Variants in DLGAP1 observed in about 807,000 individuals in gnomAD.
DLGAP1 encodes the protein disks large-associated protein 1.
A neutral mutation model predicts 90.8 loss-of-function variants in DLGAP1; 11 were observed. The observed-to-expected ratio is 0.12, with a 90% CI of 0.08 to 0.20. The LOEUF (loss-of-function observed/expected upper bound fraction) is 0.20. Among genes scored for constraint, DLGAP1 ranks in the 10% least tolerant of loss-of-function variants. The pLI is 1.00. For synonymous variants in DLGAP1, 558 were observed against 540.7 expected (o/e 1.03, Z -0.44); for missense variants, 1,050 against 1,333.8 (o/e 0.79, Z 3.31).
chr18:4,262,519 T>G (rs2079022936), intron 1 of DLGAP1, among the ~76,000 whole-genome samples: 1 of 152,232 alleles, frequency 6.6e-6, no homozygotes, highest in African/African-American at 2.4e-5. Flanking sequence ...GACACTAAAT[T>G]AAATGATTGT....
At chr18:4,345,885 T>G (rs2143913307) in intron 1 of DLGAP1, among the ~76,000 whole-genome samples, 1 of 152,330 alleles carries the variant, frequency 6.6e-6, no homozygotes, top group Middle Eastern at 3.4e-3. Flanking sequence ...GTTTTCAAAC[T>G]CTTACACAGT....
intron 1 of DLGAP1, among the ~76,000 whole-genome samples, chr18:4,373,998 A>G (rs1029011235): frequency 2.0e-5 from 3 of 152,210 alleles, no homozygotes; most frequent in African/African-American, 7.2e-5. Context: ...ATTCAAGGAG[A>G]GTATAAAGAC....
chr18:4,362,682 T>C (rs769345628), intron 1 of DLGAP1, among the ~76,000 whole-genome samples: 2 of 152,088 alleles, frequency 1.3e-5, no homozygotes, highest in South Asian at 2.1e-4. Flanking sequence ...ACAATATGAA[T>C]GTACTCAACA....
Position 3,651,590 on chromosome 18 carries a change from T to G in DLGAP1, c.1592-69342A>C, listed in dbSNP as rs185816246. Among the ~76,000 whole-genome samples the G allele has an allele frequency of 7.9e-3, 1,193 of 151,582 alleles. 14 individuals carry two copies. Among genetic ancestry groups the G allele is most frequent in the African/African-American group, 0.027 (1,103 of 41,350 alleles). On this transcript the variant is annotated intron_variant, in intron 7 of 12. Coordinates refer to ENST00000315677, the MANE Select transcript of DLGAP1 (RefSeq NM_004746.4). Reference sequence around the variant, plus strand: ...GTCAGATCACTTGAGGCCAGGAGTTTGAGACCAGCCTGGCCAACAAGGCGA... The same window carrying G: ...GTCAGATCACTTGAGGCCAGGAGTTGGAGACCAGCCTGGCCAACAAGGCGA...
intron 2 of DLGAP1, among the ~76,000 whole-genome samples, chr18:4,147,484 T>C (rs1196677867): frequency 6.6e-6 from 1 of 152,206 alleles, no homozygotes; most frequent in Non-Finnish European, 1.5e-5. Context: ...CACCTTTCTC[T>C]ATAGCACAAG....
intron 1 of DLGAP1, among the ~76,000 whole-genome samples, chr18:4,435,343 A>C (rs1053970065): frequency 3.3e-5 from 5 of 152,298 alleles, no homozygotes; most frequent in South Asian, 2.1e-4. Flanking sequence ...AGCAACTATA[A>C]GGATGATGTA....
At chr18:3,567,202 AT>A (rs2054484925) in intron 9 of DLGAP1, among the ~76,000 whole-genome samples, 1 of 151,888 alleles carries the variant, frequency 6.6e-6, no homozygotes, top group Non-Finnish European at 1.5e-5. Context: ...AAGGTCTCTT[AT>A]TTTTTTTGTT....
At chr18:3,512,063 T>C (rs616454) in intron 10 of DLGAP1, among the ~76,000 whole-genome samples, 1 of 95,554 alleles carries the variant, frequency 1.0e-5, no homozygotes, top group Non-Finnish European at 2.5e-5. Flanking sequence ...ATTCTGGTCA[T>C]GCTTTTTTTT....
chr18:4,435,650 G>C (rs963557969), intron 1 of DLGAP1, among the ~76,000 whole-genome samples: 5 of 152,060 alleles, frequency 3.3e-5, no homozygotes, highest in African/African-American at 1.2e-4. Flanking sequence ...AAAGAGTTTT[G>C]GTATATTTGA....
chr18:4,172,140 T>G (rs989946825), intron 1 of DLGAP1, among the ~76,000 whole-genome samples: 2 of 152,224 alleles, frequency 1.3e-5, no homozygotes, highest in African/African-American at 4.8e-5. Flanking sequence ...GATTAGAAAG[T>G]TGATCCAATG....
At chr18:4,318,528 G>T (rs1181196612) in intron 1 of DLGAP1, among the ~76,000 whole-genome samples, 1 of 152,196 alleles carries the variant, frequency 6.6e-6, no homozygotes, top group Non-Finnish European at 1.5e-5. Context: ...TCCTTCTAAT[G>T]CATGAAAGAA....
intron 4 of DLGAP1, among the ~76,000 whole-genome samples, chr18:3,860,617 C>T (rs1209969209): frequency 2.0e-5 from 3 of 152,154 alleles, no homozygotes; most frequent in Non-Finnish European, 4.4e-5. Flanking sequence ...TGAAGGTGAA[C>T]GCCTCACTAA....
At chr18:4,014,466 T>C (rs2046130253) in intron 2 of DLGAP1, among the ~76,000 whole-genome samples, 1 of 152,180 alleles carries the variant, frequency 6.6e-6, no homozygotes. Flanking sequence ...ATAAAAGGAA[T>C]GTGTCCTAGA....
At chr18:3,783,302 T>C (rs1402734587) in intron 5 of DLGAP1, among the ~76,000 whole-genome samples, 1 of 152,174 alleles carries the variant, frequency 6.6e-6, no homozygotes, top group African/African-American at 2.4e-5. Context: ...CTCCTAGCTA[T>C]ATACTTGGGA....
At chr18:4,231,779 G>T (rs1162686710) in intron 1 of DLGAP1, among the ~76,000 whole-genome samples, 1 of 152,070 alleles carries the variant, frequency 6.6e-6, no homozygotes, top group Non-Finnish European at 1.5e-5. Flanking sequence ...TGATTCAGAA[G>T]GTGTTTAAAT....
At position 4,415,287 on chromosome 18, in the gene DLGAP1, ACTTT is replaced by A. The variant is rs1355958979; in HGVS notation, c.-267+39715_-267+39718del. Among the ~76,000 whole-genome samples the A allele has an allele frequency of 3.3e-5, 5 of 152,280 alleles. No homozygotes were observed. In the South Asian group the frequency reaches 8.3e-4, roughly 25 times the overall value. The stretch of plus-strand genomic sequence containing the variant: ...AATGAAAAGTATCATGTTCTGGACA[ACTTT>A]CTTAATTAGTATCTTAAAATCTGAG... On this transcript the variant is annotated intron_variant, in intron 1 of 12. Coordinates refer to ENST00000315677, the MANE Select transcript of DLGAP1 (RefSeq NM_004746.4).
intron 2 of DLGAP1, among the ~76,000 whole-genome samples, chr18:4,026,137 C>T (rs2149121431): frequency 6.6e-6 from 1 of 152,042 alleles, no homozygotes; most frequent in Non-Finnish European, 1.5e-5. Context: ...AAGTTGGTTC[C>T]TCTTGACCTC....
intron 7 of DLGAP1, among the ~76,000 whole-genome samples, chr18:3,688,654 CACACACACACACA>C (rs1598356294): frequency 1.5e-5 from 2 of 130,544 alleles, no homozygotes; most frequent in East Asian, 2.1e-4. Flanking sequence ...CACACACACA[CACACACACACACA>C]CCCTACCAAA....
intron 1 of DLGAP1, among the ~76,000 whole-genome samples, chr18:4,415,302 A>G (rs1329071297): frequency 6.6e-6 from 1 of 152,198 alleles, no homozygotes; most frequent in African/African-American, 2.4e-5. Context: ...CTTAATTAGT[A>G]TCTTAAAATC....
Sources: allele counts gnomAD v4.1 joint callset (sites outside exome capture counted in the v4.1 genomes callset), GRCh38; gene constraint gnomAD v4.1.1; transcripts MANE v1.5; gene names NCBI Gene and HGNC (gene_info 2026-07-23, HGNC 2026-07-21).